The following MSRA variants were observed in gnomAD, a reference collection of about 807,000 sequenced individuals.
MSRA encodes the protein methionine sulfoxide reductase A.
In MSRA, 54 loss-of-function variants were observed where a neutral mutation model predicts 31.3. That is an observed-to-expected ratio of 1.73 (90% CI 1.39 to 2.17). The LOEUF is 2.17. MSRA is among the 30% of genes most tolerant of loss of function. MSRA has a pLI of 0.00. For missense variants in MSRA, 507 were observed against 300.9 expected, an observed-to-expected ratio of 1.69 and a Z score of -5.07; for synonymous variants, 169 against 116.5, an observed-to-expected ratio of 1.45 and a Z score of -2.90.
intron 5 of MSRA, among the ~76,000 whole-genome samples, chr8:10,414,333 G>A (rs570817950): frequency 3.9e-5 from 6 of 152,262 alleles, no homozygotes; most frequent in East Asian, 1.9e-4. Flanking sequence ...CTCATTTTAC[G>A]GCTGGAGAAA....
intron 1 of MSRA, among the ~76,000 whole-genome samples, chr8:10,191,272 G>A (rs1449284728): frequency 6.6e-6 from 1 of 152,094 alleles, no homozygotes; most frequent in Non-Finnish European, 1.5e-5. Context: ...AGAGAAAAGA[G>A]ACCCCAGACT....
chr8:10,103,737 A>G (rs1362182852), intron 1 of MSRA, among the ~76,000 whole-genome samples: 3 of 152,088 alleles, frequency 2.0e-5, no homozygotes, highest in Non-Finnish European at 2.9e-5. Flanking sequence ...AAAATTGTTT[A>G]AATATCGAAG....
At chr8:10,200,887 C>T (rs560708500) in intron 1 of MSRA, among the ~76,000 whole-genome samples, 4 of 152,138 alleles carry the variant, frequency 2.6e-5, no homozygotes, top group East Asian at 1.9e-4. Context: ...TCATCCTTAG[C>T]ATCTGCGGAG....
At chr8:10,377,353 T>C (rs992624823) in intron 5 of MSRA, among the ~76,000 whole-genome samples, 1 of 152,252 alleles carries the variant, frequency 6.6e-6, no homozygotes, top group South Asian at 2.1e-4. Context: ...TGAGGCACAG[T>C]TTGCTTTATA....
chr8:10,353,785 C>G, intron 5 of MSRA: 1 of 363,030 alleles, frequency 2.8e-6, no homozygotes, highest in Non-Finnish European at 5.5e-6. Flanking sequence ...TCTTTTGAAT[C>G]TCACACAAGA....
intron 2 of MSRA, among the ~76,000 whole-genome samples, chr8:10,217,499 A>G (rs1340903183): frequency 1.3e-5 from 2 of 152,206 alleles, no homozygotes; most frequent in Non-Finnish European, 2.9e-5. Context: ...CATTTCTCTC[A>G]GTTGAGTTTT....
chr8:10,085,138 G>A (rs1307686133), intron 1 of MSRA, among the ~76,000 whole-genome samples: 1 of 152,152 alleles, frequency 6.6e-6, no homozygotes, highest in Non-Finnish European at 1.5e-5. Context: ...CCTCTGGTAG[G>A]TCTTAGCTAG....
In MSRA at chr8:10,428,287, C is replaced by A. The variant is rs1185886663; in HGVS notation, c.683C>A (p.Ser228Tyr). ...GYCGLGGTGV[S>Y]CPVGIKK Reference sequence around the variant, plus strand: ...TGCGGCCTTGGGGGCACCGGCGTGTCCTGCCCAGTGGGTATTAAAAAATAA... The same window carrying A: ...TGCGGCCTTGGGGGCACCGGCGTGTACTGCCCAGTGGGTATTAAAAAATAA... Residue 228 changes from serine to tyrosine, a missense_variant, in exon 6 of 6, where the codon TCC (serine) becomes TAC (tyrosine). Coordinates refer to ENST00000317173, the MANE Select transcript of MSRA (RefSeq NM_012331.5). The A allele has an allele frequency of 6.2e-7, 1 of 1,613,784 alleles. No individual in the cohort carries two copies. The highest frequency in any genetic ancestry group is 1.3e-5 in the African/African-American group (1 of 74,920).
chr8:10,274,747 A>G (rs1427702495), intron 3 of MSRA, among the ~76,000 whole-genome samples: 1 of 151,608 alleles, frequency 6.6e-6, no homozygotes, highest in African/African-American at 2.4e-5. Flanking sequence ...ACACCCACCC[A>G]CTCACCCATC....
chr8:10,182,691 G>A (rs775986091), intron 1 of MSRA, among the ~76,000 whole-genome samples: 4 of 152,184 alleles, frequency 2.6e-5, no homozygotes, highest in Admixed American at 2.6e-4. Flanking sequence ...GTTTCCAAGA[G>A]CCATTGGGCT....
At chr8:10,261,580 T>G (rs1002945286) in intron 3 of MSRA, among the ~76,000 whole-genome samples, 6 of 152,156 alleles carry the variant, frequency 3.9e-5, no homozygotes, top group African/African-American at 1.4e-4. Context: ...ATTTTAGGTT[T>G]AAGCAGAAAA....
intron 1 of MSRA, among the ~76,000 whole-genome samples, chr8:10,194,448 C>A (rs1218894630): frequency 6.6e-6 from 1 of 152,142 alleles, no homozygotes; most frequent in African/African-American, 2.4e-5. Context: ...CACCTGTAAT[C>A]CCAGCTACTT....
At chr8:10,065,535 C>G (rs1204836032) in intron 1 of MSRA, among the ~76,000 whole-genome samples, 1 of 152,178 alleles carries the variant, frequency 6.6e-6, no homozygotes, top group African/African-American at 2.4e-5. Flanking sequence ...TGGGGAGACA[C>G]ACACCTGACT....
chr8:10,141,502 C>T (rs778427496), intron 1 of MSRA, among the ~76,000 whole-genome samples: 9 of 152,172 alleles, frequency 5.9e-5, no homozygotes, highest in East Asian at 1.9e-4. Flanking sequence ...ACTAGAAGTG[C>T]GGGGATAGTT....
intron 1 of MSRA, among the ~76,000 whole-genome samples, chr8:10,153,621 C>A (rs978334488): frequency 1.3e-5 from 2 of 152,142 alleles, no homozygotes; most frequent in Non-Finnish European, 2.9e-5. Context: ...TGACATTGGT[C>A]ATTTCCCAAA....
Position 10,332,933 on chromosome 8 carries a change from A to G in MSRA, c.543+12944A>G, listed in dbSNP as rs73662818. Among the ~76,000 whole-genome samples the G allele has an allele frequency of 8.9e-3, 1,360 of 152,346 alleles. 26 individuals carry two copies. Among genetic ancestry groups the G allele is most frequent in the African/African-American group, 0.031 (1,287 of 41,572 alleles). On this transcript the variant is annotated intron_variant, in intron 5 of 5. Transcript: ENST00000317173. ...TAGGCCTTTGCTGCAGTGGCAGGAT[A>G]TGAGTCCCTGGGTGGAGCCCCTGTG...
At chr8:10,264,377 C>CTT (rs1798635792) in intron 3 of MSRA, among the ~76,000 whole-genome samples, 1 of 152,238 alleles carries the variant, frequency 6.6e-6, no homozygotes. Context: ...ATTATATGCA[C>CTT]ATAGTTTTAA....
intron 1 of MSRA, among the ~76,000 whole-genome samples, chr8:10,117,275 A>G (rs1380928220): frequency 1.3e-5 from 2 of 152,014 alleles, no homozygotes; most frequent in Non-Finnish European, 2.9e-5. Flanking sequence ...GGGAGGAGAG[A>G]GGTTGGAGCA....
At chr8:10,115,728 AT>A (rs1325238123) in intron 1 of MSRA, among the ~76,000 whole-genome samples, 1 of 152,144 alleles carries the variant, frequency 6.6e-6, no homozygotes, top group Admixed American at 6.5e-5. Flanking sequence ...TGCGTGATGA[AT>A]TTGAGGAGGA....
Sources: gnomAD v4.1 joint callset for allele counts (sites outside exome capture counted in the v4.1 genomes callset) on GRCh38, gnomAD v4.1.1 for gene constraint, MANE v1.5 for transcripts, NCBI Gene and HGNC (gene_info 2026-07-23, HGNC 2026-07-21) for gene names.